Variants in KCNIP4 observed in about 807,000 individuals in gnomAD.
KCNIP4 encodes the protein potassium voltage-gated channel interacting protein 4.
Under a neutral mutation model 34.0 loss-of-function variants are expected in KCNIP4, and 12 were observed. The ratio of observed to expected loss-of-function variants is 0.35; its 90% CI spans 0.23 to 0.57. The LOEUF (loss-of-function observed/expected upper bound fraction) is 0.57. Ranked by LOEUF, KCNIP4 falls within the 20% of genes least tolerant of loss-of-function variation. The pLI, the probability that KCNIP4 is intolerant of heterozygous loss-of-function variation, is 0.83. For synonymous variants in KCNIP4, 124 were observed against 102.2 expected, an observed-to-expected ratio of 1.21 and a Z score of -1.29; for missense variants, 238 against 311.7, an observed-to-expected ratio of 0.76 and a Z score of 1.78.
intron 1 of KCNIP4, among the ~76,000 whole-genome samples, chr4:21,647,863 CTTTTT>C (rs10539950): frequency 8.0e-4 from 48 of 60,186 alleles, no homozygotes; most frequent in Non-Finnish European, 1.0e-3. Flanking sequence ...TACAATGATG[CTTTTT>C]TTTTTTTTTT....
chr4:21,009,328 C>T (rs984628656), intron 1 of KCNIP4, among the ~76,000 whole-genome samples: 2 of 152,164 alleles, frequency 1.3e-5, no homozygotes, highest in African/African-American at 4.8e-5. Context: ...GATGGCTTTG[C>T]AAGTGAGTGT....
chr4:21,606,487 G>A (rs1212915062), intron 1 of KCNIP4, among the ~76,000 whole-genome samples: 1 of 152,202 alleles, frequency 6.6e-6, no homozygotes. Context: ...GAAGTCTGAT[G>A]TGGGTCTCAG....
At chr4:21,697,504 T>A (rs997861790) in intron 1 of KCNIP4, 80 of 1,490,844 alleles carry the variant, frequency 5.4e-5, no homozygotes, top group Middle Eastern at 1.9e-4. Flanking sequence ...ATAATAATAA[T>A]AAAAAGAGAG....
intron 1 of KCNIP4, among the ~76,000 whole-genome samples, chr4:21,528,082 A>G (rs1736125600): frequency 6.6e-6 from 1 of 152,172 alleles, no homozygotes; most frequent in African/African-American, 2.4e-5. Flanking sequence ...GATTAATTTT[A>G]TAAACGATTA....
rs62295487 is a variant in KCNIP4, at chr4:21,434,739, C to T, written c.61+513832G>A. On this transcript the variant is annotated intron_variant, in intron 1 of 8. Coordinates refer to ENST00000382152, the MANE Select transcript of KCNIP4 (RefSeq NM_025221.6). ...AACAGTTTCATTCCAAAACGATCCC[C>T]GCCCCCCTCCCCACAACCCTGTCTG... Among the ~76,000 whole-genome samples the T allele has an allele frequency of 2.2e-3, 334 of 149,784 alleles. 2 individuals are homozygous for T. Among genetic ancestry groups the T allele is most frequent in the Middle Eastern group, 6.8e-3 (2 of 292 alleles).
chr4:21,618,758 T>G (rs1196507084), intron 1 of KCNIP4, among the ~76,000 whole-genome samples: 2 of 149,100 alleles, frequency 1.3e-5, no homozygotes, highest in Non-Finnish European at 3.0e-5. Context: ...TCAGCCTCCC[T>G]AGTAGCTTGG....
intron 1 of KCNIP4, among the ~76,000 whole-genome samples, chr4:21,597,390 A>C (rs1449363713): frequency 1.3e-5 from 2 of 152,112 alleles, no homozygotes; most frequent in African/African-American, 4.8e-5. Flanking sequence ...TTTTCTTTAT[A>C]AATTATCCAG....
chr4:21,125,352 G>T (rs1339373041), intron 1 of KCNIP4, among the ~76,000 whole-genome samples: 1 of 151,820 alleles, frequency 6.6e-6, no homozygotes, highest in African/African-American at 2.4e-5. Context: ...GAGTAGCAGG[G>T]ATTAGAGGTG....
At chr4:20,776,968 T>C (rs1756424055) in intron 3 of KCNIP4, among the ~76,000 whole-genome samples, 2 of 152,204 alleles carry the variant, frequency 1.3e-5, no homozygotes, top group South Asian at 4.1e-4. Flanking sequence ...TTTTATGCTA[T>C]AGACTGAAAG....
At chr4:21,539,999 CAAAA>C (rs56948957) in intron 1 of KCNIP4, among the ~76,000 whole-genome samples, 4 of 114,794 alleles carry the variant, frequency 3.5e-5, no homozygotes, top group African/African-American at 1.4e-4. Context: ...AACAAACAGA[CAAAA>C]AAAAAAAAAA....
At position 20,728,606 on chromosome 4, in the gene KCNIP4, TAG is replaced by T. The variant is rs1746744132; in HGVS notation, c.*1474_*1475del. The T allele has an allele frequency of 6.6e-6, 1 of 152,604 alleles. No individual in the cohort carries two copies. Among genetic ancestry groups the T allele is most frequent in the South Asian group, 2.1e-4 (1 of 4,836 alleles). 9.5% of individuals were successfully genotyped at this position (152,604 alleles called of 1,614,324 possible). ...TGGAAAAGACCTGTAACATAGACAG[TAG>T]AGTTATAAACATTTTATTTTGCTTT... On this transcript the variant is annotated 3_prime_UTR_variant, in exon 9 of 9. Transcript: ENST00000382152.
At chr4:20,920,203 A>G (rs1397175451) in intron 1 of KCNIP4, among the ~76,000 whole-genome samples, 1 of 152,198 alleles carries the variant, frequency 6.6e-6, no homozygotes, top group African/African-American at 2.4e-5. Context: ...CTATTTTGCC[A>G]AAGTTACTCA....
At chr4:21,425,046 A>T (rs1725817862) in intron 1 of KCNIP4, among the ~76,000 whole-genome samples, 2 of 152,198 alleles carry the variant, frequency 1.3e-5, no homozygotes, top group Admixed American at 1.3e-4. Flanking sequence ...AAATAATATG[A>T]TGGGGGAAGG....
chr4:21,787,854 T>C (rs1720012234), intron 1 of KCNIP4, among the ~76,000 whole-genome samples: 2 of 152,296 alleles, frequency 1.3e-5, no homozygotes, highest in East Asian at 3.9e-4. Flanking sequence ...CACACTGGCA[T>C]ATAATTGTAT....
In KCNIP4 at chr4:20,762,371, C is replaced by T. The variant is rs139253049; in HGVS notation, c.289-3481G>A. Among the ~76,000 whole-genome samples the T allele has an allele frequency of 2.0e-5, 3 of 152,310 alleles. No homozygotes were observed. In the East Asian group the frequency reaches 5.8e-4, roughly 29 times the overall value. On this transcript the variant is annotated intron_variant, in intron 3 of 8. Transcript: ENST00000382152. ...CATATGAGTTCTAAAGGGACACAAACATTCAGACCATAGCAAAGACCAATA... is the reference window on the plus strand; with the variant it reads ...CATATGAGTTCTAAAGGGACACAAATATTCAGACCATAGCAAAGACCAATA...
chr4:21,312,646 A>C (rs950441921), intron 1 of KCNIP4, among the ~76,000 whole-genome samples: 1 of 152,222 alleles, frequency 6.6e-6, no homozygotes, highest in African/African-American at 2.4e-5. Flanking sequence ...ACAGATTGGG[A>C]ATAGACACAA....
chr4:21,699,576 T>C (rs757840377), intron 1 of KCNIP4, among the ~76,000 whole-genome samples: 3 of 152,054 alleles, frequency 2.0e-5, no homozygotes, highest in Non-Finnish European at 4.4e-5. Flanking sequence ...GACCGTGAGA[T>C]GTTTAGGGTA....
At chr4:20,766,539 C>G (rs2149372375) in intron 3 of KCNIP4, among the ~76,000 whole-genome samples, 1 of 152,276 alleles carries the variant, frequency 6.6e-6, no homozygotes, top group Middle Eastern at 3.4e-3. Flanking sequence ...ATACTCCAGC[C>G]TGGGTGACAG....
intron 1 of KCNIP4, among the ~76,000 whole-genome samples, chr4:21,241,177 T>G (rs1759785587): frequency 6.6e-6 from 1 of 152,182 alleles, no homozygotes; most frequent in South Asian, 2.1e-4. Flanking sequence ...CTATATAGTA[T>G]GTACAGTGTA....
Sources: allele counts gnomAD v4.1 joint callset (sites outside exome capture counted in the v4.1 genomes callset), GRCh38; gene constraint gnomAD v4.1.1; transcripts MANE v1.5; gene names NCBI Gene and HGNC (gene_info 2026-07-23, HGNC 2026-07-21).